CDH12: variants seen among roughly 807,000 people sequenced by gnomAD.
CDH12 encodes cadherin-12.
In CDH12, 41 loss-of-function variants were observed where a neutral mutation model predicts 74.1. The ratio of observed to expected loss-of-function variants is 0.55; its 90% CI spans 0.43 to 0.72. CDH12 has a LOEUF of 0.72. Among genes scored for constraint, CDH12 ranks in the 30% least tolerant of loss-of-function variants. The probability of loss-of-function intolerance (pLI) is 0.00; values close to 1 mark genes in which losing one functional copy is unlikely to be tolerated. For synonymous variants in CDH12, 399 were observed against 355.0 expected (o/e 1.12, Z -1.39); for missense variants, 945 against 977.2 (o/e 0.97, Z 0.44).
chr5:22,122,793 T>C (rs901242736), intron 4 of CDH12, among the ~76,000 whole-genome samples: 3 of 152,246 alleles, frequency 2.0e-5, no homozygotes, highest in African/African-American at 7.2e-5. Flanking sequence ...GAAGACTCTC[T>C]CTGCCTATCT....
chr5:21,882,924 G>A lies in CDH12; in HGVS notation c.527-28134C>T. 3.7e-6 allele frequency: 6 copies of A among 1,604,276 alleles called. No homozygotes were observed. The Admixed American group carries it at 1.0e-4, about 27-fold the overall frequency. ...TAACACAAATGAAGAATCTGGGGAT[G>A]GCACTACCACTGCTACTGTACTGGC... On this transcript the variant is annotated intron_variant, in intron 6 of 14. Coordinates refer to ENST00000382254, the MANE Select transcript of CDH12 (RefSeq NM_004061.5).
intron 4 of CDH12, among the ~76,000 whole-genome samples, chr5:22,093,152 G>A (rs76814131): frequency 0.15 from 23,064 of 152,116 alleles, 2,354 homozygotes; most frequent in Non-Finnish European, 0.22. Context: ...AAGGGCTGTC[G>A]CAGCTTGGAT....
At chr5:22,155,289 C>A (rs544876502) in intron 4 of CDH12, among the ~76,000 whole-genome samples, 2 of 151,908 alleles carry the variant, frequency 1.3e-5, no homozygotes, top group South Asian at 4.1e-4. Flanking sequence ...TATGTAGAAG[C>A]GAAACTATTG....
chr5:22,565,178 C>T (rs900682784), intron 1 of CDH12, among the ~76,000 whole-genome samples: 1 of 152,166 alleles, frequency 6.6e-6, no homozygotes. Flanking sequence ...TTGTGATCCA[C>T]CTGCCCCTGC....
At chr5:22,296,233 A>G (rs1040758742) in intron 3 of CDH12, among the ~76,000 whole-genome samples, 4 of 152,036 alleles carry the variant, frequency 2.6e-5, no homozygotes, top group Non-Finnish European at 5.9e-5. Flanking sequence ...GAAAATGTCA[A>G]ACTAATAACT....
Position 21,760,667 on chromosome 5 carries a change from C to T in CDH12, c.1524G>A (p.Gln508=). Residue 508 remains glutamine (Q), a synonymous_variant, in exon 13 of 15, where the codon CAG becomes CAA. Coordinates refer to ENST00000382254, the MANE Select transcript of CDH12 (RefSeq NM_004061.5). ...GATCTCGGTCTGCAGCACTGACTAT[C>T]TGAATTATCTGCAACAGAGTTGAGA... ...CENAKPGQII[Q]IVSAADRDLS... is the part of the protein sequence containing the mutation. 6.4e-7 allele frequency: 1 copy of T among 1,574,052 alleles called. No homozygotes were observed. Among genetic ancestry groups the T allele is most frequent in the East Asian group, 2.2e-5 (1 of 44,518 alleles).
chr5:22,011,555 G>C (rs1464331436), intron 5 of CDH12, among the ~76,000 whole-genome samples: 3 of 152,130 alleles, frequency 2.0e-5, no homozygotes, highest in Non-Finnish European at 2.9e-5. Context: ...TTTGTGGATA[G>C]ACAGAACACT....
intron 2 of CDH12, among the ~76,000 whole-genome samples, chr5:22,500,378 T>C: frequency 6.6e-6 from 1 of 152,136 alleles, no homozygotes; most frequent in East Asian, 1.9e-4. Context: ...TTTATAAATG[T>C]TCAGTTAAAC....
rs140304197 is a variant in CDH12 at position 22,078,208 on chromosome 5, C to T, written c.231+238G>A. On this transcript the variant is annotated intron_variant, in intron 5 of 14. Coordinates refer to ENST00000382254, the MANE Select transcript of CDH12 (RefSeq NM_004061.5). ...TCAGCAAAGAATGTCAAAAATTGAACGAAATATATACTATTTTCATTAAAA... is the reference window on the plus strand; with the variant it reads ...TCAGCAAAGAATGTCAAAAATTGAATGAAATATATACTATTTTCATTAAAA... Among the ~76,000 whole-genome samples, 483 of 152,002 alleles carry T rather than the reference C, an allele frequency of 3.2e-3. 2 individuals are homozygous for T. Among genetic ancestry groups the T allele is most frequent in the Non-Finnish European group, 5.0e-3 (343 of 67,982 alleles).
chr5:22,751,181 C>T (rs191277923), intron 1 of CDH12, among the ~76,000 whole-genome samples: 6 of 151,410 alleles, frequency 4.0e-5, no homozygotes, highest in African/African-American at 1.5e-4. Context: ...TTGGGTAATA[C>T]CTTAAAGAGG....
chr5:22,798,111 A>G (rs1187001476), intron 1 of CDH12, among the ~76,000 whole-genome samples: 1 of 152,124 alleles, frequency 6.6e-6, no homozygotes, highest in Admixed American at 6.6e-5. Flanking sequence ...TATTATTCTT[A>G]TCCCCTGCCT....
chr5:22,483,397 T>C (rs1746457625), intron 2 of CDH12, among the ~76,000 whole-genome samples: 1 of 151,986 alleles, frequency 6.6e-6, no homozygotes, highest in South Asian at 2.1e-4. Flanking sequence ...CTGTTCTAGG[T>C]ATTGGGAATA....
chr5:22,150,774 C>T (rs775738784), intron 4 of CDH12, among the ~76,000 whole-genome samples: 11 of 152,098 alleles, frequency 7.2e-5, no homozygotes, highest in Non-Finnish European at 1.6e-4. Context: ...ATAAGGTATA[C>T]CTTTACTAGT....
chr5:22,185,688 A>G (rs563224765), intron 4 of CDH12, among the ~76,000 whole-genome samples: 4 of 152,364 alleles, frequency 2.6e-5, no homozygotes, highest in African/African-American at 4.8e-5. Flanking sequence ...TTCATGGGAC[A>G]AAAGAAATCT....
In CDH12 at chr5:22,640,441, G is replaced by A. The variant is rs149247095; in HGVS notation, c.-522-135077C>T. The stretch of plus-strand genomic sequence containing the variant: ...CTTAACACAATCCTACTCTGTTTAC[G>A]TTATCTTGTTTTTCTAATTCTCCTC... On this transcript the variant is annotated intron_variant, in intron 1 of 14. Transcript: ENST00000382254. Among the ~76,000 whole-genome samples, 559 of 152,156 alleles carry A rather than the reference G, an allele frequency of 3.7e-3. 1 individual carries two copies. Among genetic ancestry groups the A allele is most frequent in the African/African-American group, 0.01 (425 of 41,508 alleles).
intron 1 of CDH12, among the ~76,000 whole-genome samples, chr5:22,514,527 A>C (rs115714919): frequency 6.6e-6 from 1 of 152,206 alleles, no homozygotes; most frequent in Admixed American, 6.5e-5. Context: ...AAAAAAAAGT[A>C]TCTCCTAAAT....
chr5:22,083,233 A>T (rs1285998743), intron 4 of CDH12, among the ~76,000 whole-genome samples: 2 of 152,212 alleles, frequency 1.3e-5, no homozygotes, highest in African/African-American at 4.8e-5. Context: ...TATGACATTT[A>T]CGAATTTAAC....
chr5:22,588,627 G>A (rs536135753), intron 1 of CDH12, among the ~76,000 whole-genome samples: 4 of 152,290 alleles, frequency 2.6e-5, no homozygotes, highest in Non-Finnish European at 5.9e-5. Context: ...TTATTTATGA[G>A]CAGGAGAAAC....
chr5:22,495,557 G>A (rs1183829313), intron 2 of CDH12, among the ~76,000 whole-genome samples: 1 of 152,180 alleles, frequency 6.6e-6, no homozygotes, highest in African/African-American at 2.4e-5. Flanking sequence ...CATGAAAAGA[G>A]TCTGACAAGT....
Sources: allele counts gnomAD v4.1 joint callset (sites outside exome capture counted in the v4.1 genomes callset), GRCh38; gene constraint gnomAD v4.1.1; transcripts MANE v1.5; gene names NCBI Gene and HGNC (gene_info 2026-07-23, HGNC 2026-07-21).